The following KCNQ3 variants were observed in gnomAD, a reference collection of about 807,000 sequenced individuals.
KCNQ3 encodes potassium voltage-gated channel subfamily Q member 3.
A neutral mutation model predicts 92.5 loss-of-function variants in KCNQ3; 30 were observed. The ratio of observed to expected loss-of-function variants is 0.32; its 90% confidence interval spans 0.24 to 0.44. KCNQ3 has a LOEUF of 0.44. Among genes scored for constraint, KCNQ3 ranks in the 20% least tolerant of loss-of-function variants. The probability of loss-of-function intolerance (pLI) is 1.00; values close to 1 mark genes in which losing one functional copy is unlikely to be tolerated. For missense variants in KCNQ3, 913 were observed against 1,140.3 expected, an observed-to-expected ratio of 0.80 and a Z score of 2.87; for synonymous variants, 450 against 468.8, an observed-to-expected ratio of 0.96 and a Z score of 0.52.
rs1277687889 is a variant in KCNQ3, at chr8:132,197,789, ATCCAAAAGTT to A, written c.387-11618_387-11609del. Among the ~76,000 whole-genome samples the A allele has an allele frequency of 7.4e-4, 113 of 152,180 alleles. 1 individual carries two copies. The highest frequency in any genetic ancestry group is 2.9e-5 in the Non-Finnish European group (2 of 68,018). ...TCACTAACAAAGCATTTTATTAAAC[ATCCAAAAGTT>A]TCATGCCAGGGTAATAGGTACTACA... On this transcript the variant is annotated intron_variant, in intron 1 of 14. Transcript: ENST00000388996.
intron 1 of KCNQ3, among the ~76,000 whole-genome samples, chr8:132,248,963 G>A (rs1563824333): frequency 6.6e-6 from 1 of 152,154 alleles, no homozygotes; most frequent in Admixed American, 6.5e-5. Flanking sequence ...GCAGACCCTC[G>A]CGGTGAGCGT....
intron 1 of KCNQ3, among the ~76,000 whole-genome samples, chr8:132,276,832 T>C (rs1450894473): frequency 1.3e-5 from 2 of 152,228 alleles, no homozygotes; most frequent in African/African-American, 4.8e-5. Flanking sequence ...TTAGAGGTCA[T>C]GTCCTAGTCT....
rs150318711 is a variant in KCNQ3 at position 132,232,807 on chromosome 8, C to T, written c.387-46626G>A. 4.1e-3 allele frequency among the ~76,000 whole-genome samples: 628 copies of T among 152,264 alleles called. 5 individuals carry two copies. The highest frequency in any genetic ancestry group is 0.014 in the African/African-American group (582 of 41,562). ...AGCTTCCCTTGTGGATTGGGGTGTT[C>T]GTGTGACTTTGTTTTGGCCAATGAA... On this transcript the variant is annotated intron_variant, in intron 1 of 14. Coordinates refer to ENST00000388996, the MANE Select transcript of KCNQ3 (RefSeq NM_004519.4).
At chr8:132,314,106 A>G (rs1262151957) in intron 1 of KCNQ3, among the ~76,000 whole-genome samples, 2 of 152,156 alleles carry the variant, frequency 1.3e-5, no homozygotes, top group Non-Finnish European at 2.9e-5. Flanking sequence ...ACAAACAGCA[A>G]CTCAACCAAG....
chr8:132,389,559 T>C (rs1245438922), intron 1 of KCNQ3, among the ~76,000 whole-genome samples: 1 of 152,214 alleles, frequency 6.6e-6, no homozygotes, highest in African/African-American at 2.4e-5. Flanking sequence ...ACAAAGGGCT[T>C]GTATCCAGAA....
At chr8:132,267,317 A>G (rs1004027333) in intron 1 of KCNQ3, among the ~76,000 whole-genome samples, 3 of 152,212 alleles carry the variant, frequency 2.0e-5, no homozygotes, top group Non-Finnish European at 4.4e-5. Context: ...CATTGCCATT[A>G]TCTTGACTCT....
chr8:132,312,163 T>C (rs940803353), intron 1 of KCNQ3, among the ~76,000 whole-genome samples: 2 of 152,166 alleles, frequency 1.3e-5, no homozygotes, highest in African/African-American at 2.4e-5. Context: ...ACTTCTTGTC[T>C]CCAGAGCTGT....
intron 1 of KCNQ3, among the ~76,000 whole-genome samples, chr8:132,441,969 C>G (rs1317581327): frequency 6.6e-6 from 1 of 152,114 alleles, no homozygotes; most frequent in East Asian, 1.9e-4. Flanking sequence ...CAAACTAACA[C>G]AGGAACAGAA....
rs551615449 is a variant in KCNQ3, at chr8:132,129,951, T to A, written c.1930A>T (p.Met644Leu). 2.5e-6 allele frequency: 4 copies of A among 1,614,060 alleles called. No homozygotes were observed. In the South Asian group the frequency reaches 4.4e-5, roughly 18 times the overall value. ...ACCTGCAACCGTTCCATGTGTTGCA[T>A]GTGCATATCCACGAGGAAGTCCAGC... The part of the protein sequence containing the change: ...KKLDFLVDMH[M>L]QHMERLQVQV... Residue 644 changes from methionine (M) to leucine (L), a missense_variant, in exon 15 of 15, where the codon ATG becomes TTG. Physicochemically the swap from Met to Leu is conservative, Grantham distance 15 (BLOSUM62 2). Around this residue, in one of 6 missense-constraint regions of KCNQ3, gnomAD observed 375 missense variants for 376.4 expected, o/e 1.00. Coordinates refer to ENST00000388996, the MANE Select transcript of KCNQ3 (RefSeq NM_004519.4). This position sits in a 1 kb window ranked among gnomAD's most constrained non-coding sequence, Gnocchi z 5.9.
chr8:132,401,667 C>G (rs1169681696), intron 1 of KCNQ3, among the ~76,000 whole-genome samples: 2 of 152,230 alleles, frequency 1.3e-5, no homozygotes, highest in Non-Finnish European at 2.9e-5. Flanking sequence ...AGCCACCACG[C>G]TAGGCCAAAT....
At chr8:132,400,159 A>G (rs920384405) in intron 1 of KCNQ3, among the ~76,000 whole-genome samples, 3 of 152,206 alleles carry the variant, frequency 2.0e-5, no homozygotes, top group African/African-American at 7.2e-5. Context: ...ACTATTCACC[A>G]ATTCCATTCA....
chr8:132,279,777 C>A (rs1410033301), intron 1 of KCNQ3, among the ~76,000 whole-genome samples: 1 of 152,142 alleles, frequency 6.6e-6, no homozygotes, highest in African/African-American at 2.4e-5. Context: ...TATCTACATG[C>A]AGACATCAAC....
chr8:132,268,552 C>T (rs943802433), intron 1 of KCNQ3, among the ~76,000 whole-genome samples: 2 of 152,208 alleles, frequency 1.3e-5, no homozygotes, highest in African/African-American at 4.8e-5. Flanking sequence ...AGCCACCGCG[C>T]CGGCCAGCTC....
chr8:132,455,742 T>C (rs1244666967), intron 1 of KCNQ3, among the ~76,000 whole-genome samples: 1 of 152,118 alleles, frequency 6.6e-6, no homozygotes, highest in African/African-American at 2.4e-5. Flanking sequence ...GTGGATACTT[T>C]TTTTTGTTTG....
chr8:132,279,829 T>C (rs1816458028), intron 1 of KCNQ3, among the ~76,000 whole-genome samples: 1 of 149,202 alleles, frequency 6.7e-6, no homozygotes, highest in Non-Finnish European at 1.5e-5. Flanking sequence ...TGCATACATA[T>C]ATGTGCGTGT....
chr8:132,414,119 C>T (rs570747818), intron 1 of KCNQ3, among the ~76,000 whole-genome samples: 17 of 152,338 alleles, frequency 1.1e-4, no homozygotes, highest in African/African-American at 3.8e-4. Context: ...TCCTACAATA[C>T]ACGCTGTTGG....
At chr8:132,262,313 A>C (rs1815813791) in intron 1 of KCNQ3, among the ~76,000 whole-genome samples, 1 of 152,210 alleles carries the variant, frequency 6.6e-6, no homozygotes, top group Admixed American at 6.5e-5. Context: ...TTATGGTTAC[A>C]CAACTCTGTG....
chr8:132,136,762 G>A (rs1563766372), intron 12 of KCNQ3, among the ~76,000 whole-genome samples: 5 of 151,478 alleles, frequency 3.3e-5, no homozygotes, highest in African/African-American at 1.2e-4. Context: ...ATGTCCGCAT[G>A]TATTATTGGT....
chr8:132,209,638 T>C (rs1236653252), intron 1 of KCNQ3, among the ~76,000 whole-genome samples: 2 of 152,334 alleles, frequency 1.3e-5, no homozygotes, highest in African/African-American at 4.8e-5. Flanking sequence ...GAAAGTGATA[T>C]GCATTCAGTA....
Sources: allele counts gnomAD v4.1 joint callset (sites outside exome capture counted in the v4.1 genomes callset), GRCh38; gene constraint gnomAD v4.1.1; regional missense constraint gnomAD v4.1.1; non-coding constraint Gnocchi (gnomAD v3.1); transcripts MANE v1.5; gene names NCBI Gene and HGNC (gene_info 2026-07-23, HGNC 2026-07-21).